The following TEAD1 variants were observed in gnomAD, a reference collection of about 807,000 sequenced individuals.
TEAD1 encodes transcriptional enhancer factor TEF-1.
A neutral mutation model predicts 54.9 loss-of-function variants in TEAD1; 9 were observed. That is an observed-to-expected ratio of 0.16 (90% CI 0.10 to 0.29). The LOEUF (loss-of-function observed/expected upper bound fraction) is 0.29, where lower values mean the gene tolerates loss of function less well. Among genes scored for constraint, TEAD1 ranks in the 10% least tolerant of loss-of-function variants. The pLI is 1.00. For missense variants in TEAD1, 387 were observed against 535.9 expected (o/e 0.72, Z 2.74); for synonymous variants, 200 against 187.8 (o/e 1.07, Z -0.53).
At chr11:12,883,572 G>C (rs758006912) in intron 9 of TEAD1, among the ~76,000 whole-genome samples, 2 of 152,142 alleles carry the variant, frequency 1.3e-5, no homozygotes, top group Non-Finnish European at 2.9e-5. Flanking sequence ...AACTTTCCCA[G>C]AGTCACACAG....
intron 6 of TEAD1, 78 bp downstream of exon 6, chr11:12,879,920 C>T: frequency 1.3e-6 from 2 of 1,599,408 alleles, no homozygotes; most frequent in Non-Finnish European, 1.7e-6. Flanking sequence ...CCTCCCACCT[C>T]CATTTCTTGT....
At chr11:12,821,853 C>G (rs1053977652) in intron 3 of TEAD1, among the ~76,000 whole-genome samples, 1 of 151,824 alleles carries the variant, frequency 6.6e-6, no homozygotes, top group African/African-American at 2.4e-5. Context: ...AGCTCGTTCT[C>G]TCACTTTACC....
chr11:12,805,184 A>G (rs929463605), intron 3 of TEAD1, among the ~76,000 whole-genome samples: 1 of 152,232 alleles, frequency 6.6e-6, no homozygotes, highest in African/African-American at 2.4e-5. Flanking sequence ...ATTTCCAGTC[A>G]TGAAAATTGT....
intron 4 of TEAD1, 163 bp from the exon 5 acceptor site, chr11:12,864,675 G>A (rs1168768094): frequency 3.6e-6 from 5 of 1,376,542 alleles, no homozygotes; most frequent in South Asian, 1.5e-5. Context: ...TCATAAACCC[G>A]AACAATGTAG....
intron 10 of TEAD1, among the ~76,000 whole-genome samples, chr11:12,924,109 T>G (rs187545157): frequency 6.6e-6 from 1 of 152,068 alleles, no homozygotes; most frequent in Non-Finnish European, 1.5e-5. Flanking sequence ...ATTTCCAAAC[T>G]CCCAGTCTGA....
intron 3 of TEAD1, among the ~76,000 whole-genome samples, chr11:12,833,065 A>G (rs994922233): frequency 1.3e-5 from 2 of 152,258 alleles, no homozygotes; most frequent in African/African-American, 4.8e-5. Flanking sequence ...CACCAGTAAT[A>G]TATCTGATGA....
At chr11:12,757,660 A>G (rs1945009862) in intron 2 of TEAD1, among the ~76,000 whole-genome samples, 1 of 152,204 alleles carries the variant, frequency 6.6e-6, no homozygotes, top group Admixed American at 6.6e-5. Context: ...CAGAGTCAGG[A>G]ATGTGAAAGT....
At chr11:12,851,138 A>G (rs1947265169) in intron 3 of TEAD1, 2 of 955,526 alleles carry the variant, frequency 2.1e-6, no homozygotes, top group African/African-American at 1.8e-5. Flanking sequence ...CACGGAAAGA[A>G]AAAAACTATT....
chr11:12,696,286 A>C (rs1284045643), intron 2 of TEAD1, among the ~76,000 whole-genome samples: 1 of 152,142 alleles, frequency 6.6e-6, no homozygotes, highest in African/African-American at 2.4e-5. Context: ...CTTTTCTTGG[A>C]TCAAAGTGGG....
At chr11:12,804,697 G>A (rs1388871075) in intron 3 of TEAD1, among the ~76,000 whole-genome samples, 1 of 152,198 alleles carries the variant, frequency 6.6e-6, no homozygotes, top group Non-Finnish European at 1.5e-5. Context: ...CACACTTGGA[G>A]CCAGGGGTTC....
At chr11:12,707,879 G>A (rs1275834211) in intron 2 of TEAD1, among the ~76,000 whole-genome samples, 3 of 152,238 alleles carry the variant, frequency 2.0e-5, no homozygotes, top group Non-Finnish European at 4.4e-5. Context: ...GAAAAGTTGT[G>A]ATGCTTGAAG....
rs559288736 is a variant in TEAD1 at position 12,893,690 on chromosome 11, G to T, written c.700-8250G>T. Among the ~76,000 whole-genome samples, 121 of 152,106 alleles carry T rather than the reference G, an allele frequency of 8.0e-4. 1 individual carries two copies. The highest frequency in any genetic ancestry group is 2.1e-4 in the Non-Finnish European group (14 of 67,990). On this transcript the variant is annotated intron_variant, in intron 9 of 12. Coordinates refer to ENST00000527636, the MANE Select transcript of TEAD1 (RefSeq NM_021961.6). ...CCTCTGTAGAGATGGTGCTGGGAGT[G>T]GGAGGTGGGAAGGATGCATCTCGGT...
chr11:12,894,650 A>G (rs997561393), intron 9 of TEAD1, among the ~76,000 whole-genome samples: 1 of 152,208 alleles, frequency 6.6e-6, no homozygotes, highest in Non-Finnish European at 1.5e-5. Context: ...CCACACTGCC[A>G]CTACCCTAGC....
Position 12,837,541 on chromosome 11 carries a change from AT to A in TEAD1, c.203-24707del, listed in dbSNP as rs1946918776. Among the ~76,000 whole-genome samples the A allele has an allele frequency of 2.0e-5, 3 of 152,246 alleles. No individual in the cohort carries two copies. In the South Asian group the frequency reaches 6.2e-4, roughly 32 times the overall value. On this transcript the variant is annotated intron_variant, in intron 3 of 12. Coordinates refer to ENST00000527636, the MANE Select transcript of TEAD1 (RefSeq NM_021961.6). ...GCCTGGAAGCCCAAGAGATCAAGGTATTAACAGGTTTAGTTACTCCTGGTAC... is the reference window on the plus strand; with the variant it reads ...GCCTGGAAGCCCAAGAGATCAAGGTATAACAGGTTTAGTTACTCCTGGTAC...
At chr11:12,799,080 T>C (rs1331581313) in intron 3 of TEAD1, among the ~76,000 whole-genome samples, 1 of 152,236 alleles carries the variant, frequency 6.6e-6, no homozygotes, top group African/African-American at 2.4e-5. Context: ...TGTAGACCCA[T>C]GAAAATCTCA....
At chr11:12,892,680 G>A (rs914006329) in intron 9 of TEAD1, among the ~76,000 whole-genome samples, 1 of 152,088 alleles carries the variant, frequency 6.6e-6, no homozygotes, top group African/African-American at 2.4e-5. Flanking sequence ...AGAAGCAGCA[G>A]CAGTAAGGTT....
intron 2 of TEAD1, among the ~76,000 whole-genome samples, chr11:12,762,369 G>A (rs1455571418): frequency 7.5e-6 from 1 of 132,752 alleles, no homozygotes; most frequent in Non-Finnish European, 1.8e-5. Context: ...AATTTCATAA[G>A]ACTCTTAGAT....
At chr11:12,881,107 G>A in intron 7 of TEAD1, 56 bp downstream of exon 7, 3 of 1,587,256 alleles carry the variant, frequency 1.9e-6, no homozygotes, top group East Asian at 2.2e-5. Flanking sequence ...AGCCCACGTG[G>A]GGAGAGCTCT....
intron 3 of TEAD1, chr11:12,851,195 T>TACAG: frequency 1.5e-6 from 1 of 654,094 alleles, no homozygotes; most frequent in Non-Finnish European, 1.9e-6. Flanking sequence ...GTCATACATA[T>TACAG]ACAGAGTAGA....
Sources: gnomAD v4.1 joint callset for allele counts (sites outside exome capture counted in the v4.1 genomes callset) on GRCh38, gnomAD v4.1.1 for gene constraint, MANE v1.5 for transcripts, NCBI Gene and HGNC (gene_info 2026-07-23, HGNC 2026-07-21) for gene names.